Variants in TANC1 observed in about 807,000 individuals in gnomAD.
The protein encoded by TANC1 is protein TANC1.
In TANC1, 77 loss-of-function variants were observed where a neutral mutation model predicts 149.7. That is an observed-to-expected ratio of 0.51 (90% CI 0.43 to 0.62). TANC1 has a LOEUF of 0.62. Among genes scored for constraint, TANC1 ranks in the 20% least tolerant of loss-of-function variants. TANC1 has a pLI of 0.00. For missense variants in TANC1, 1,985 were observed against 2,321.8 expected (o/e 0.85, Z 2.98); for synonymous variants, 854 against 925.0 (o/e 0.92, Z 1.39).
intron 8 of TANC1, 89 bp downstream of exon 8, chr2:159,163,635 T>C: frequency 6.8e-7 from 1 of 1,468,608 alleles, no homozygotes; most frequent in Non-Finnish European, 9.2e-7. Context: ...ACACTCCAGA[T>C]ACAAGCCAGC....
intron 21 of TANC1, 55 bp downstream of exon 21, chr2:159,219,416 AG>A: frequency 6.2e-7 from 1 of 1,609,290 alleles, no homozygotes; most frequent in Middle Eastern, 1.7e-4. Flanking sequence ...AGAGAACTTC[AG>A]CAGACCCATT....
Position 159,004,037 on chromosome 2 carries a change from G to A in TANC1, c.-16+2848G>A, listed in dbSNP as rs552577627. ...AGGTGAACATGATTAAAGATGATGG[G>A]ACAGTTATTCATTTCAACAATCCCA... On this transcript the variant is annotated intron_variant, in intron 2 of 26. Coordinates refer to ENST00000263635, the MANE Select transcript of TANC1 (RefSeq NM_033394.3). 8 of 1,612,306 alleles carry A rather than the reference G, an allele frequency of 5.0e-6. No homozygotes were observed. In the South Asian group the frequency reaches 6.6e-5, roughly 13 times the overall value.
chr2:159,060,892 G>A (rs74690831), intron 2 of TANC1, among the ~76,000 whole-genome samples: 1 of 152,112 alleles, frequency 6.6e-6, no homozygotes, highest in African/African-American at 2.4e-5. Flanking sequence ...ATTTTGTCTA[G>A]GGTGTTTTTT....
chr2:159,229,665 A>G lies in TANC1; in HGVS notation c.4239A>G (p.Val1413=), dbSNP rs1415924136. The G allele has an allele frequency of 3.1e-6, 5 of 1,614,044 alleles. No individual in the cohort carries two copies. Among genetic ancestry groups the G allele is most frequent in the Non-Finnish European group, 4.2e-6 (5 of 1,180,014 alleles). ...NQEVKRLLAR[V]EEECKQLQRS... ...AAGTCAAGAGGCTTCTGGCCCGCGT[A>G]GAAGAGGAGTGCAAACAACTCCAGA... Residue 1413 remains valine, a synonymous_variant, in exon 27 of 27, where the codon GTA becomes GTG. Coordinates refer to ENST00000263635, the MANE Select transcript of TANC1 (RefSeq NM_033394.3).
At chr2:159,091,486 G>T (rs2045534131) in intron 3 of TANC1, among the ~76,000 whole-genome samples, 1 of 152,174 alleles carries the variant, frequency 6.6e-6, no homozygotes, top group Non-Finnish European at 1.5e-5. Context: ...TTAAAGCACA[G>T]AAACTCTTGC....
chr2:159,108,453 C>CAGT (rs1430456525), intron 4 of TANC1, among the ~76,000 whole-genome samples: 1 of 152,206 alleles, frequency 6.6e-6, no homozygotes, highest in African/African-American at 2.4e-5. Flanking sequence ...GGAACAAACC[C>CAGT]AGTACCATGC....
rs571903912 is a variant in TANC1 at position 159,182,995 on chromosome 2, A to T, written c.2511-2796A>T. On this transcript the variant is annotated intron_variant, in intron 14 of 26. Transcript: ENST00000263635. ...TGAGCAGGCCGTGTTCTGCAACAGC[A>T]AATCTAGTTTGACTTGACCTTTTTT... Among the ~76,000 whole-genome samples the T allele has an allele frequency of 5.9e-5, 9 of 152,374 alleles. No homozygotes were observed. The South Asian group carries it at 1.4e-3, about 25-fold the overall frequency.
At chr2:159,147,876 T>A (rs1239322367) in intron 5 of TANC1, 1 of 152,160 alleles carries the variant, frequency 6.6e-6, no homozygotes, top group East Asian at 1.9e-4. Context: ...GTAGCTGCCA[T>A]CCTGGGTGCA....
intron 4 of TANC1, among the ~76,000 whole-genome samples, chr2:159,134,701 G>A (rs998369350): frequency 2.6e-5 from 4 of 151,744 alleles, no homozygotes; most frequent in Non-Finnish European, 5.9e-5. Context: ...GGCCAGGCTG[G>A]TCTCGAACTC....
At chr2:159,075,317 C>T (rs114013997) in intron 3 of TANC1, among the ~76,000 whole-genome samples, 1 of 151,696 alleles carries the variant, frequency 6.6e-6, no homozygotes, top group Admixed American at 6.6e-5. Flanking sequence ...CCTGTAATCC[C>T]AACACTTTGG....
Position 158,983,468 on chromosome 2 carries a change from C to CAAAAAAAAAAAAAA in TANC1, c.-126+14692_-126+14705dup, listed in dbSNP as rs35472970. Among the ~76,000 whole-genome samples the CAAAAAAAAAAAAAA allele has an allele frequency of 5.5e-3, 488 of 88,652 alleles. 10 individuals are homozygous for CAAAAAAAAAAAAAA. Among genetic ancestry groups the CAAAAAAAAAAAAAA allele is most frequent in the East Asian group, 0.013 (40 of 3,146 alleles). 58.2% of individuals were successfully genotyped at this position (88,652 alleles called of 152,430 possible). A position where few individuals can be genotyped will look rare whatever the true frequency, so the allele number is the denominator to read the frequency against. ...GGAGACAGAGCAAGACTCCGTCTCCCAAAAAAAAAAAAAAAAAAACACCAA... is the reference window on the plus strand; with the variant it reads ...GGAGACAGAGCAAGACTCCGTCTCCCAAAAAAAAAAAAAAAAAAAAAAAAAAAAAAAAACACCAA... On this transcript the variant is annotated intron_variant, in intron 1 of 26. Transcript: ENST00000263635.
chr2:158,999,695 G>A (rs1394388455), intron 1 of TANC1, among the ~76,000 whole-genome samples: 1 of 152,164 alleles, frequency 6.6e-6, no homozygotes, highest in Non-Finnish European at 1.5e-5. Flanking sequence ...AGTCTAGATC[G>A]AGGGAGAAAA....
intron 4 of TANC1, among the ~76,000 whole-genome samples, chr2:159,132,209 C>T (rs568196777): frequency 1.2e-4 from 18 of 152,298 alleles, no homozygotes; most frequent in African/African-American, 4.1e-4. Context: ...ACTTTTCTCC[C>T]AGAGTTATTA....
chr2:159,189,623 A>G (rs1575165715), intron 16 of TANC1, among the ~76,000 whole-genome samples: 1 of 151,990 alleles, frequency 6.6e-6, no homozygotes, highest in African/African-American at 2.4e-5. Flanking sequence ...TTTTATCCTC[A>G]TTTTTTTAGA....
chr2:159,063,482 C>G (rs908197788), intron 2 of TANC1, among the ~76,000 whole-genome samples: 1 of 152,132 alleles, frequency 6.6e-6, no homozygotes, highest in African/African-American at 2.4e-5. Flanking sequence ...CCACTCTGAT[C>G]TGTGTTAGTT....
rs1188000482 is a variant in TANC1 at position 159,072,523 on chromosome 2, C to T, written c.61+6552C>T. On this transcript the variant is annotated intron_variant, in intron 3 of 26. Coordinates refer to ENST00000263635, the MANE Select transcript of TANC1 (RefSeq NM_033394.3). ...GTATTGTCAGGGTTGAATACGAATACCTTTCTGCAAAAGTGTTTTAGCTTG... is the reference window on the plus strand; with the variant it reads ...GTATTGTCAGGGTTGAATACGAATATCTTTCTGCAAAAGTGTTTTAGCTTG... Among the ~76,000 whole-genome samples, 3 of 152,174 alleles carry T rather than the reference C, an allele frequency of 2.0e-5. No individual in the cohort carries two copies. In the East Asian group the frequency reaches 5.8e-4, roughly 29 times the overall value.
intron 3 of TANC1, among the ~76,000 whole-genome samples, chr2:159,069,991 A>G (rs919871267): frequency 2.6e-5 from 4 of 151,832 alleles, no homozygotes; most frequent in African/African-American, 7.3e-5. Context: ...CATGTTGCCC[A>G]GGCTGGTTTC....
chr2:159,082,786 TC>T (rs2044413201), intron 3 of TANC1, among the ~76,000 whole-genome samples: 1 of 152,104 alleles, frequency 6.6e-6, no homozygotes, highest in South Asian at 2.1e-4. Context: ...ATTCAAAGAG[TC>T]AGTGTTCACC....
At chr2:159,092,315 T>C (rs2045639029) in intron 3 of TANC1, among the ~76,000 whole-genome samples, 1 of 152,192 alleles carries the variant, frequency 6.6e-6, no homozygotes, top group Non-Finnish European at 1.5e-5. Context: ...CTTGCCTTCG[T>C]TGCCCTCATT....
Sources: gnomAD v4.1 joint callset for allele counts (sites outside exome capture counted in the v4.1 genomes callset) on GRCh38, gnomAD v4.1.1 for gene constraint, MANE v1.5 for transcripts, NCBI Gene and HGNC (gene_info 2026-07-23, HGNC 2026-07-21) for gene names.